CTNND2: variants seen among roughly 807,000 people sequenced by gnomAD.
CTNND2 encodes catenin delta 2, also known as catenin delta-2.
In CTNND2, 22 loss-of-function variants were observed where a neutral mutation model predicts 144.4. The ratio of observed to expected loss-of-function variants is 0.15; its 90% CI spans 0.11 to 0.22. The LOEUF is 0.22. Ranked by LOEUF, CTNND2 falls within the 10% of genes least tolerant of loss-of-function variation. CTNND2 has a pLI of 1.00. For missense variants in CTNND2, 1,353 were observed against 1,618.8 expected (o/e 0.84, Z 2.82); for synonymous variants, 751 against 695.6 (o/e 1.08, Z -1.25).
intron 3 of CTNND2, among the ~76,000 whole-genome samples, chr5:11,499,482 T>C (rs139604219): frequency 2.4e-3 from 371 of 152,322 alleles, no homozygotes; most frequent in African/African-American, 8.7e-3. Context: ...CTTTGGTATA[T>C]CCATTACCAA....
At chr5:11,219,111 T>C (rs1359744104) in intron 10 of CTNND2, among the ~76,000 whole-genome samples, 11 of 152,262 alleles carry the variant, frequency 7.2e-5, no homozygotes. Context: ...TAAAATGTGG[T>C]TTCCCAACCA....
intron 2 of CTNND2, among the ~76,000 whole-genome samples, chr5:11,714,328 C>A (rs141176019): frequency 6.6e-6 from 1 of 152,180 alleles, no homozygotes; most frequent in East Asian, 1.9e-4. Context: ...ATGACCAGCT[C>A]CATATTTTTC....
At chr5:11,597,696 T>C (rs1269608808) in intron 2 of CTNND2, among the ~76,000 whole-genome samples, 3 of 152,032 alleles carry the variant, frequency 2.0e-5, no homozygotes, top group African/African-American at 7.2e-5. Flanking sequence ...ACTGTAGCCT[T>C]CCAAGTAGAT....
intron 16 of CTNND2, among the ~76,000 whole-genome samples, chr5:11,069,047 A>C (rs1328269998): frequency 6.6e-6 from 1 of 152,284 alleles, no homozygotes. Context: ...ATTCTAGCAG[A>C]ACAGTAACTA....
chr5:11,573,465 A>G (rs1777737451), intron 2 of CTNND2, among the ~76,000 whole-genome samples: 1 of 152,172 alleles, frequency 6.6e-6, no homozygotes, highest in East Asian at 1.9e-4. Context: ...ACATGTTGCC[A>G]AGCCAAGTTT....
At chr5:11,372,851 T>C (rs909535386) in intron 7 of CTNND2, among the ~76,000 whole-genome samples, 1 of 152,182 alleles carries the variant, frequency 6.6e-6, no homozygotes, top group African/African-American at 2.4e-5. Flanking sequence ...AGCCAGGACA[T>C]ATTTGTCTAG....
At chr5:11,469,937 C>T (rs1378519638) in intron 3 of CTNND2, among the ~76,000 whole-genome samples, 2 of 152,118 alleles carry the variant, frequency 1.3e-5, no homozygotes, top group Admixed American at 6.5e-5. Context: ...GACCATGCCT[C>T]CTCTGGCCTG....
At chr5:11,052,902 T>A (rs1241133711) in intron 16 of CTNND2, among the ~76,000 whole-genome samples, 1 of 152,148 alleles carries the variant, frequency 6.6e-6, no homozygotes, top group Non-Finnish European at 1.5e-5. Context: ...TGAGGCTTAT[T>A]TTTGGTCTGT....
chr5:11,639,598 T>C (rs184497289), intron 2 of CTNND2, among the ~76,000 whole-genome samples: 1 of 152,282 alleles, frequency 6.6e-6, no homozygotes, highest in East Asian at 1.9e-4. Flanking sequence ...ATTCCATTGC[T>C]TAGTAAATAC....
intron 3 of CTNND2, among the ~76,000 whole-genome samples, chr5:11,431,553 C>T (rs1561383390): frequency 6.6e-6 from 1 of 152,182 alleles, no homozygotes; most frequent in Non-Finnish European, 1.5e-5. Flanking sequence ...TGACCGAATG[C>T]TTCTTCTTGG....
At chr5:11,164,260 T>C (rs1281738994) in intron 11 of CTNND2, among the ~76,000 whole-genome samples, 5 of 152,180 alleles carry the variant, frequency 3.3e-5, no homozygotes, top group Non-Finnish European at 4.4e-5. Context: ...CCTTTCATCA[T>C]GAAAAGTAAC....
intron 2 of CTNND2, among the ~76,000 whole-genome samples, chr5:11,661,232 T>C (rs1442146794): frequency 6.6e-6 from 1 of 152,136 alleles, no homozygotes; most frequent in East Asian, 1.9e-4. Context: ...AAAATAAATG[T>C]TGAGAAATAC....
At chr5:11,667,833 C>CT (rs534863685) in intron 2 of CTNND2, among the ~76,000 whole-genome samples, 131 of 152,260 alleles carry the variant, frequency 8.6e-4, no homozygotes, top group Non-Finnish European at 1.4e-3. Context: ...GTCATGAAGT[C>CT]TTTGACCATG....
At chr5:11,442,813 A>G (rs1764380423) in intron 3 of CTNND2, among the ~76,000 whole-genome samples, 1 of 143,976 alleles carries the variant, frequency 6.9e-6, no homozygotes, top group African/African-American at 2.5e-5. Context: ...ATAATTTTAT[A>G]TAATATATAA....
intron 1 of CTNND2, among the ~76,000 whole-genome samples, chr5:11,844,348 G>T (rs1265286871): frequency 1.3e-5 from 2 of 150,738 alleles, no homozygotes; most frequent in Non-Finnish European, 3.0e-5. Flanking sequence ...TTGAAGGGAT[G>T]GATAGACTGA....
intron 16 of CTNND2, among the ~76,000 whole-genome samples, chr5:11,039,207 G>A (rs1295565294): frequency 1.3e-5 from 2 of 152,144 alleles, no homozygotes; most frequent in African/African-American, 4.8e-5. Context: ...CTCTGACATT[G>A]GCAATACCAA....
intron 3 of CTNND2, among the ~76,000 whole-genome samples, chr5:11,539,581 C>T (rs181321875): frequency 2.0e-5 from 3 of 152,322 alleles, no homozygotes; most frequent in East Asian, 3.9e-4. Context: ...CATTCAGTTG[C>T]AAGGATTCTC....
Position 11,904,141 on chromosome 5 carries a change from G to C in CTNND2, c.-288C>G, listed in dbSNP as rs1462330499. ...CTCCACGGGCTCCTGCGGGCTCCTCGGGGCTCCGGGCGCCGCCGCCAGCCG... is the reference window on the plus strand; with the variant it reads ...CTCCACGGGCTCCTGCGGGCTCCTCCGGGCTCCGGGCGCCGCCGCCAGCCG... On this transcript the variant is annotated 5_prime_UTR_variant, in exon 1 of 22. Coordinates refer to ENST00000304623, the MANE Select transcript of CTNND2 (RefSeq NM_001332.4). The surrounding 1 kb of genome is among the most constrained non-coding windows in gnomAD (Gnocchi z 4.2). The C allele has an allele frequency of 2.0e-5, 3 of 147,216 alleles. No individual in the cohort carries two copies. The highest frequency in any genetic ancestry group is 2.5e-5 in the African/African-American group (1 of 40,750). The allele number at this position is 147,216 out of a possible 1,614,324, so 9.1% of individuals were successfully genotyped here.
At chr5:11,659,784 G>C (rs1178759607) in intron 2 of CTNND2, among the ~76,000 whole-genome samples, 1 of 152,098 alleles carries the variant, frequency 6.6e-6, no homozygotes, top group East Asian at 1.9e-4. Flanking sequence ...CAAAGCCTGA[G>C]AACAGTTGCT....
Sources: allele counts gnomAD v4.1 joint callset (sites outside exome capture counted in the v4.1 genomes callset), GRCh38; gene constraint gnomAD v4.1.1; non-coding constraint Gnocchi (gnomAD v3.1); transcripts MANE v1.5; gene names NCBI Gene and HGNC (gene_info 2026-07-23, HGNC 2026-07-21).